CFAP299: variants seen among roughly 807,000 people sequenced by gnomAD.
CFAP299 encodes cilia and flagella associated protein 299.
CFAP299 carries 21 observed loss-of-function variants against 27.0 expected under a neutral mutation model. The ratio of observed to expected loss-of-function variants is 0.78; its 90% CI spans 0.55 to 1.12. CFAP299 has a LOEUF of 1.12. Ranked by LOEUF, CFAP299 falls within the 50% of genes most tolerant of loss-of-function variation. The pLI is 0.00. For synonymous variants in CFAP299, 104 were observed against 98.1 expected, an observed-to-expected ratio of 1.06 and a Z score of -0.36; for missense variants, 310 against 276.6, an observed-to-expected ratio of 1.12 and a Z score of -0.86.
chr4:80,424,322 A>G (rs964079095), intron 2 of CFAP299, among the ~76,000 whole-genome samples: 1 of 152,248 alleles, frequency 6.6e-6, no homozygotes, highest in South Asian at 2.1e-4. Flanking sequence ...TGTGACCTAA[A>G]GAGTTCAAGA....
intron 5 of CFAP299, among the ~76,000 whole-genome samples, chr4:80,953,058 C>T (rs1737864856): frequency 6.6e-6 from 1 of 152,086 alleles, no homozygotes; most frequent in Non-Finnish European, 1.5e-5. Context: ...ACAGGAGGAG[C>T]TATATATAAT....
intron 2 of CFAP299, among the ~76,000 whole-genome samples, chr4:80,503,708 T>G (rs1731852738): frequency 6.6e-6 from 1 of 152,152 alleles, no homozygotes; most frequent in East Asian, 1.9e-4. Context: ...CATTTTAAAT[T>G]ATATATCTTC....
intron 3 of CFAP299, among the ~76,000 whole-genome samples, chr4:80,707,851 T>A (rs929913976): frequency 1.3e-5 from 2 of 152,078 alleles, no homozygotes; most frequent in African/African-American, 4.8e-5. Context: ...TCCATTGTAG[T>A]TCAAGAAAAT....
chr4:80,467,849 C>T (rs984080616), intron 2 of CFAP299, among the ~76,000 whole-genome samples: 1 of 152,156 alleles, frequency 6.6e-6, no homozygotes, highest in Non-Finnish European at 1.5e-5. Flanking sequence ...CAAGGATATT[C>T]TTGGTGACAG....
At chr4:80,936,802 TAAAAAATAAAACATGATAAGATGA>T (rs1451006957) in intron 4 of CFAP299, among the ~76,000 whole-genome samples, 1 of 151,786 alleles carries the variant, frequency 6.6e-6, no homozygotes, top group Non-Finnish European at 1.5e-5. Flanking sequence ...AATAAAAAAA[TAAAAAATAAAACATGATAAGATGA>T]AAAAAATAAA....
chr4:80,409,010 G>T (rs1278658668), intron 2 of CFAP299, among the ~76,000 whole-genome samples: 4 of 149,118 alleles, frequency 2.7e-5, no homozygotes, highest in African/African-American at 9.9e-5. Flanking sequence ...AAGCCCGGGA[G>T]GCAGTAGGGT....
intron 2 of CFAP299, among the ~76,000 whole-genome samples, chr4:80,383,789 T>G (rs1439839312): frequency 6.6e-6 from 1 of 152,212 alleles, no homozygotes; most frequent in Non-Finnish European, 1.5e-5. Flanking sequence ...AAATTGATGT[T>G]AGCCATCAGA....
At chr4:80,455,828 A>T (rs982698468) in intron 2 of CFAP299, among the ~76,000 whole-genome samples, 36 of 152,162 alleles carry the variant, frequency 2.4e-4, no homozygotes, top group Admixed American at 2.6e-4. Context: ...TCTAGTGTTG[A>T]TTGAGCACCT....
chr4:80,880,758 T>TA (rs771412772), intron 4 of CFAP299, among the ~76,000 whole-genome samples: 3,727 of 151,190 alleles, frequency 0.025, 86 homozygotes, highest in African/African-American at 0.065. Context: ...AAAATAAAAT[T>TA]AAATTAAATT....
intron 2 of CFAP299, among the ~76,000 whole-genome samples, chr4:80,539,957 C>T (rs1056924703): frequency 6.6e-6 from 1 of 152,144 alleles, no homozygotes; most frequent in Non-Finnish European, 1.5e-5. Flanking sequence ...GCATTTAGCT[C>T]CTGGGGCCAG....
At chr4:80,440,520 AG>A (rs1457652142) in intron 2 of CFAP299, among the ~76,000 whole-genome samples, 8 of 152,364 alleles carry the variant, frequency 5.3e-5, no homozygotes, top group African/African-American at 1.4e-4. Context: ...ATCAACAAAA[AG>A]GATGCCCACG....
At position 80,908,909 on chromosome 4, in the gene CFAP299, C is replaced by A. The variant is rs898611186; in HGVS notation, c.477-35901C>A. On this transcript the variant is annotated intron_variant, in intron 4 of 5. Transcript: ENST00000358105. ...ACACACACACATACACGCAAGCACA[C>A]ACACACACACATACACACACATTCT... 6.6e-5 allele frequency among the ~76,000 whole-genome samples: 10 copies of A among 152,156 alleles called. 1 individual carries two copies. Among genetic ancestry groups the A allele is most frequent in the Admixed American group, 3.3e-4 (5 of 15,286 alleles).
At chr4:80,374,706 G>T (rs1326713275) in intron 2 of CFAP299, among the ~76,000 whole-genome samples, 1 of 151,928 alleles carries the variant, frequency 6.6e-6, no homozygotes, top group African/African-American at 2.4e-5. Flanking sequence ...TCAAATCCTG[G>T]CTTGATCTTC....
intron 4 of CFAP299, among the ~76,000 whole-genome samples, chr4:80,879,135 A>G (rs1296507463): frequency 1.3e-5 from 2 of 152,106 alleles, no homozygotes; most frequent in Non-Finnish European, 2.9e-5. Context: ...ACTAAGGTAA[A>G]TGATGCTTCA....
chr4:80,750,072 A>G (rs1273891671), intron 3 of CFAP299, among the ~76,000 whole-genome samples: 2 of 152,180 alleles, frequency 1.3e-5, no homozygotes, highest in Admixed American at 1.3e-4. Context: ...CCAAACTATG[A>G]CACAGGCCAA....
chr4:80,780,596 A>C (rs1328793432), intron 3 of CFAP299, among the ~76,000 whole-genome samples: 1 of 152,092 alleles, frequency 6.6e-6, no homozygotes, highest in Non-Finnish European at 1.5e-5. Flanking sequence ...TCAGTCTCCT[A>C]GTTCTTTTAG....
At chr4:80,373,241 C>G (rs1031555911) in intron 2 of CFAP299, among the ~76,000 whole-genome samples, 3 of 151,954 alleles carry the variant, frequency 2.0e-5, no homozygotes, top group Non-Finnish European at 4.4e-5. Context: ...ACTCTAAGAG[C>G]GGGGCCACAG....
At chr4:80,802,643 C>G (rs1253813024) in intron 3 of CFAP299, among the ~76,000 whole-genome samples, 1 of 151,974 alleles carries the variant, frequency 6.6e-6, no homozygotes. Flanking sequence ...TGAAATAGGT[C>G]TCATCCTGCC....
At chr4:80,565,912 T>C (rs1025521353) in intron 2 of CFAP299, among the ~76,000 whole-genome samples, 4 of 152,036 alleles carry the variant, frequency 2.6e-5, no homozygotes, top group African/African-American at 7.2e-5. Context: ...GAGATGTGAG[T>C]GTATCTCATA....
Sources: allele counts gnomAD v4.1 joint callset (sites outside exome capture counted in the v4.1 genomes callset), GRCh38; gene constraint gnomAD v4.1.1; transcripts MANE v1.5; gene names NCBI Gene and HGNC (gene_info 2026-07-23, HGNC 2026-07-21).